Variants in TMPRSS11D observed in about 807,000 individuals in gnomAD.
TMPRSS11D encodes the protein transmembrane protease serine 11D.
Under a neutral mutation model 44.4 loss-of-function variants are expected in TMPRSS11D, and 32 were observed. That is an observed-to-expected ratio of 0.72 (90% CI 0.54 to 0.97). The LOEUF is 0.97. Ranked by LOEUF, TMPRSS11D falls within the 50% of genes least tolerant of loss-of-function variation. The pLI, the probability that TMPRSS11D is intolerant of heterozygous loss-of-function variation, is 0.00. For missense variants in TMPRSS11D, 446 were observed against 502.6 expected, an observed-to-expected ratio of 0.89 and a Z score of 1.08; for synonymous variants, 179 against 177.9, an observed-to-expected ratio of 1.01 and a Z score of -0.05.
chr4:67,859,278 T>A (rs1243802411), intron 2 of TMPRSS11D, among the ~76,000 whole-genome samples: 1 of 152,116 alleles, frequency 6.6e-6, no homozygotes, highest in South Asian at 2.1e-4. Context: ...AGAGTTTTTT[T>A]TTCCTTTGGA....
At chr4:67,834,940 C>T (rs1718039390) in intron 6 of TMPRSS11D, 143 bp downstream of exon 6, 4 of 740,332 alleles carry the variant, frequency 5.4e-6, no homozygotes, top group African/African-American at 3.5e-5. Flanking sequence ...TCAGCACTGT[C>T]TTGTTTCAAC....
intron 1 of TMPRSS11D, among the ~76,000 whole-genome samples, chr4:67,875,486 T>C (rs1719166036): frequency 6.6e-6 from 1 of 152,124 alleles, no homozygotes; most frequent in Non-Finnish European, 1.5e-5. Flanking sequence ...TCCTACACAC[T>C]CTCAATCTTT....
chr4:67,878,190 T>C (rs1453013215), intron 1 of TMPRSS11D, among the ~76,000 whole-genome samples: 1 of 152,236 alleles, frequency 6.6e-6, no homozygotes, highest in Non-Finnish European at 1.5e-5. Flanking sequence ...CAATGCTTCC[T>C]CAGAGAAGTC....
At chr4:67,826,202 T>C (rs1577801491) in intron 8 of TMPRSS11D, among the ~76,000 whole-genome samples, 1 of 152,138 alleles carries the variant, frequency 6.6e-6, no homozygotes, top group Non-Finnish European at 1.5e-5. Context: ...AGATTACATA[T>C]TGAATAACCT....
intron 1 of TMPRSS11D, among the ~76,000 whole-genome samples, chr4:67,870,629 A>G (rs1304064043): frequency 6.6e-6 from 1 of 152,050 alleles, no homozygotes; most frequent in African/African-American, 2.4e-5. Context: ...CCTGGCTAAC[A>G]TGGTGAAACC....
At position 67,825,790 on chromosome 4, in the gene TMPRSS11D, G is replaced by A; in HGVS notation, c.1037C>T (p.Ala346Val). ...AGCACACAGCATTCCAGACAAGATG[G>A]CTCCATTATAACTATGTGGTGCATT... ...VCNAPHSYNG[A>V]ILSGMLCAGV... Residue 346 changes from alanine (A) to valine (V), a missense_variant, in exon 9 of 10, where the codon GCC becomes GTC. By Grantham distance (64) the Ala-to-Val change is moderately conservative. Transcript: ENST00000283916. 1 of 1,613,138 alleles carries A rather than the reference G, an allele frequency of 6.2e-7. No homozygotes were observed. Among genetic ancestry groups the A allele is most frequent in the Non-Finnish European group, 8.5e-7 (1 of 1,179,482 alleles).
intron 9 of TMPRSS11D, among the ~76,000 whole-genome samples, chr4:67,824,993 T>C (rs576899690): frequency 7.9e-4 from 121 of 152,270 alleles, no homozygotes; most frequent in African/African-American, 2.7e-3. Context: ...AATTTGATTT[T>C]AATCACTTTA....
intron 1 of TMPRSS11D, among the ~76,000 whole-genome samples, chr4:67,868,157 A>G (rs940112222): frequency 1.3e-5 from 2 of 152,096 alleles, no homozygotes; most frequent in African/African-American, 4.8e-5. Context: ...TTTTACAGCA[A>G]TATGGATGGA....
At chr4:67,865,437 A>G (rs1232907736) in intron 1 of TMPRSS11D, among the ~76,000 whole-genome samples, 1 of 151,864 alleles carries the variant, frequency 6.6e-6, no homozygotes, top group Admixed American at 6.6e-5. Flanking sequence ...AAACAAGAAC[A>G]AACCAAACTC....
Position 67,822,439 on chromosome 4 carries a change from C to G in TMPRSS11D, c.1155G>C (p.Gly385=), listed in dbSNP as rs773488281. Residue 385 remains glycine (G), a synonymous_variant, in exon 10 of 10, where the codon GGG becomes GGC. Transcript: ENST00000283916. ...EDSRRLWFIV[G]IVSWGDQCGL... is the part of the protein sequence containing the mutation. ...CACACTGATCTCCCCAGCTTACTAT[C>G]CCCACAATAAACCAAAGCCGCCGTG... 8 of 1,613,936 alleles carry G rather than the reference C, an allele frequency of 5.0e-6. No individual in the cohort carries two copies. The highest frequency in any genetic ancestry group is 4.0e-5 in the African/African-American group (3 of 75,014).
At chr4:67,852,912 T>C (rs2109682737) in intron 3 of TMPRSS11D, among the ~76,000 whole-genome samples, 1 of 152,296 alleles carries the variant, frequency 6.6e-6, no homozygotes, top group South Asian at 2.1e-4. Context: ...CAAATATTTA[T>C]AATATAAAAT....
chr4:67,840,441 A>C (rs1463324811), intron 4 of TMPRSS11D, among the ~76,000 whole-genome samples: 1 of 152,164 alleles, frequency 6.6e-6, no homozygotes, highest in Non-Finnish European at 1.5e-5. Context: ...AAACCATACC[A>C]AGGTGGAATC....
chr4:67,825,675 A>G (rs1002487911), intron 9 of TMPRSS11D, 57 bp downstream of exon 9: 4 of 1,580,708 alleles, frequency 2.5e-6, no homozygotes, highest in African/African-American at 1.3e-5. Flanking sequence ...ATCACATACT[A>G]GGAAGTGCTT....
At chr4:67,852,320 T>C (rs1718529055) in intron 3 of TMPRSS11D, among the ~76,000 whole-genome samples, 3 of 152,144 alleles carry the variant, frequency 2.0e-5, no homozygotes, top group African/African-American at 7.2e-5. Flanking sequence ...CACTGAAAGC[T>C]TTGAGTGGGG....
intron 1 of TMPRSS11D, among the ~76,000 whole-genome samples, chr4:67,871,647 A>C (rs1719064702): frequency 6.6e-6 from 1 of 152,222 alleles, no homozygotes; most frequent in African/African-American, 2.4e-5. Context: ...TCTTACACTT[A>C]ATATACACTT....
chr4:67,841,772 C>G (rs1225342425), intron 4 of TMPRSS11D, among the ~76,000 whole-genome samples: 2 of 152,172 alleles, frequency 1.3e-5, no homozygotes, highest in African/African-American at 4.8e-5. Flanking sequence ...ATCCCTTTAA[C>G]TCCTCATCAA....
chr4:67,872,535 G>T (rs1719083409), intron 1 of TMPRSS11D, among the ~76,000 whole-genome samples: 2 of 152,180 alleles, frequency 1.3e-5, no homozygotes, highest in African/African-American at 2.4e-5. Flanking sequence ...GGTGATGGTT[G>T]CACATCTCTG....
At chr4:67,874,173 G>A (rs1043287762) in intron 1 of TMPRSS11D, among the ~76,000 whole-genome samples, 1 of 152,112 alleles carries the variant, frequency 6.6e-6, no homozygotes, top group Admixed American at 6.6e-5. Context: ...GCATAGTCTA[G>A]GTGTGTAATA....
intron 7 of TMPRSS11D, 123 bp downstream of exon 7, chr4:67,833,081 A>T: frequency 1.0e-6 from 1 of 980,552 alleles, no homozygotes; most frequent in Non-Finnish European, 1.3e-6. Context: ...TAGGAAGAAA[A>T]TTCTTACTGA....
Sources: allele counts gnomAD v4.1 joint callset (sites outside exome capture counted in the v4.1 genomes callset), GRCh38; gene constraint gnomAD v4.1.1; transcripts MANE v1.5; gene names NCBI Gene and HGNC (gene_info 2026-07-23, HGNC 2026-07-21).